SARNP: variants seen among roughly 807,000 people sequenced by gnomAD.
SARNP encodes the protein SAP domain containing ribonucleoprotein.
Under a neutral mutation model 38.1 loss-of-function variants are expected in SARNP, and 5 were observed. That is an observed-to-expected ratio of 0.13 (90% CI 0.07 to 0.28). SARNP has a LOEUF of 0.28. SARNP is among the 10% of genes least tolerant of loss of function. The pLI is 1.00. For synonymous variants in SARNP, 84 were observed against 80.6 expected (o/e 1.04, Z -0.23); for missense variants, 180 against 243.9 (o/e 0.74, Z 1.75).
intron 1 of SARNP, among the ~76,000 whole-genome samples, chr12:55,808,543 C>T (rs1258846954): frequency 1.3e-5 from 2 of 152,084 alleles, no homozygotes; most frequent in Non-Finnish European, 2.9e-5. Flanking sequence ...GTGATCCACC[C>T]GCCTCGGCCT....
intron 9 of SARNP, among the ~76,000 whole-genome samples, chr12:55,761,177 A>G (rs1878664176): frequency 6.7e-6 from 1 of 149,548 alleles, no homozygotes; most frequent in Non-Finnish European, 1.5e-5. Context: ...CTCTGTCTCA[A>G]AAAAAAAAAT....
Position 55,800,501 on chromosome 12 carries a change from TA to T in SARNP, c.251+60del, listed in dbSNP as rs2136200864. Reference sequence around the variant, plus strand: ...GTAAGAGGTAAACAAAGTTAAACATTAAATACATTAAGAAAAGAGCTGCCTG... The same window carrying T: ...GTAAGAGGTAAACAAAGTTAAACATTAATACATTAAGAAAAGAGCTGCCTG... On this transcript the variant is annotated intron_variant, in intron 4 of 10. Coordinates refer to ENST00000336133, the MANE Select transcript of SARNP (RefSeq NM_033082.4). The T allele has an allele frequency of 2.6e-6, 3 of 1,143,092 alleles. No homozygotes were observed. In the South Asian group the frequency reaches 4.1e-5, roughly 16 times the overall value. The allele number at this position is 1,143,092 out of a possible 1,614,324, so 70.8% of individuals were successfully genotyped here. A position where few individuals can be genotyped will look rare whatever the true frequency, so the allele number is the denominator to read the frequency against.
At position 55,757,454 on chromosome 12, in the gene SARNP, C is replaced by A; in HGVS notation, c.*58G>T. 6.7e-7 allele frequency: 1 copy of A among 1,498,350 alleles called. No homozygotes were observed. 92.8% of individuals were successfully genotyped at this position (1,498,350 alleles called of 1,614,324 possible). A position where few individuals can be genotyped will look rare whatever the true frequency, so the allele number is the denominator to read the frequency against. On this transcript the variant is annotated 3_prime_UTR_variant, in exon 11 of 11. Coordinates refer to ENST00000336133, the MANE Select transcript of SARNP (RefSeq NM_033082.4). ...CTGTGCATTTAGGCATATATGTGACCAAGAAGAAGGAGAGAAATGGAAAAC... is the reference window on the plus strand; with the variant it reads ...CTGTGCATTTAGGCATATATGTGACAAAGAAGAAGGAGAGAAATGGAAAAC...
intron 9 of SARNP, among the ~76,000 whole-genome samples, chr12:55,788,031 G>A (rs1215026724): frequency 1.3e-5 from 2 of 152,178 alleles, no homozygotes; most frequent in Non-Finnish European, 2.9e-5. Context: ...TTACAGGCGT[G>A]AGCCACCACG....
chr12:55,764,303 C>G (rs769793600), intron 9 of SARNP, among the ~76,000 whole-genome samples: 92 of 152,072 alleles, frequency 6.0e-4, no homozygotes, highest in Non-Finnish European at 9.9e-4. Flanking sequence ...CAGGAAGGAT[C>G]TTCTAAAATC....
intron 9 of SARNP, among the ~76,000 whole-genome samples, chr12:55,773,364 C>G (rs1418341581): frequency 6.6e-6 from 1 of 152,192 alleles, no homozygotes; most frequent in Non-Finnish European, 1.5e-5. Flanking sequence ...CTCCAATTAT[C>G]TCCTATAAAT....
intron 5 of SARNP, among the ~76,000 whole-genome samples, chr12:55,795,502 C>G (rs1402346768): frequency 6.6e-6 from 1 of 152,138 alleles, no homozygotes; most frequent in East Asian, 1.9e-4. Flanking sequence ...GAAAAGTGAT[C>G]AAAGGAATAG....
At chr12:55,806,568 T>G (rs1167233479) in intron 1 of SARNP, among the ~76,000 whole-genome samples, 1 of 146,706 alleles carries the variant, frequency 6.8e-6, no homozygotes, top group Non-Finnish European at 1.5e-5. Context: ...AACCATAAAT[T>G]AAAGGAAAAA....
chr12:55,807,546 T>TAAC (rs1358213136), intron 1 of SARNP, among the ~76,000 whole-genome samples: 1 of 150,610 alleles, frequency 6.6e-6, no homozygotes, highest in Non-Finnish European at 1.5e-5. Flanking sequence ...CTCACTCCTG[T>TAAC]AATCCCAGCA....
At chr12:55,816,286 A>AT (rs1295398314) in intron 1 of SARNP, among the ~76,000 whole-genome samples, 1 of 152,200 alleles carries the variant, frequency 6.6e-6, no homozygotes, top group African/African-American at 2.4e-5. Flanking sequence ...TCTGTGTTAT[A>AT]TTTTATAACA....
At position 55,794,674 on chromosome 12, in the gene SARNP, TC is replaced by T. The variant is rs1179993095; in HGVS notation, c.377+132del. On this transcript the variant is annotated intron_variant, in intron 6 of 10. Transcript: ENST00000336133. ...ATCAGTAGACATGTTCTGAATAGGG[TC>T]AAAAAAGTGTTCATATCCTTCAGCA... 129 of 661,092 alleles carry T rather than the reference TC, an allele frequency of 2.0e-4. No homozygotes were observed. The East Asian group carries it at 3.4e-3, about 18-fold the overall frequency. The allele number at this position is 661,092 out of a possible 1,614,324, so 41.0% of individuals were successfully genotyped here. A position where few individuals can be genotyped will look rare whatever the true frequency, so the allele number is the denominator to read the frequency against.
At position 55,789,062 on chromosome 12, in the gene SARNP, G is replaced by C. The variant is rs3741504; in HGVS notation, c.501+13C>G. On this transcript the variant is annotated intron_variant, in intron 9 of 10. Transcript: ENST00000336133. ...ATGTCACAAAAACATTACTTCCATCGAGCCTACATTACCTTTCTGGAGATT... is the reference window on the plus strand; with the variant it reads ...ATGTCACAAAAACATTACTTCCATCCAGCCTACATTACCTTTCTGGAGATT... 0.17 allele frequency: 265,378 copies of C among 1,566,140 alleles called. 24,330 individuals are homozygous for C. The highest frequency in any genetic ancestry group is 0.19 in the Non-Finnish European group (218,543 of 1,141,364).
intron 9 of SARNP, among the ~76,000 whole-genome samples, chr12:55,767,124 A>G (rs1333917315): frequency 6.6e-6 from 1 of 152,250 alleles, no homozygotes; most frequent in Admixed American, 6.5e-5. Flanking sequence ...CACAGGAACT[A>G]TAAAAGGTAT....
Position 55,794,389 on chromosome 12 carries a change from TGAA to T in SARNP, c.378-5_378-3del. ...GTTGGAACTGAAGAAATCCCAAACC[TGAA>T]GAAGGAAAAACAAACTAAATTTTAG... is the stretch of plus-strand genomic sequence containing the variant. On this transcript the variant is annotated splice_polypyrimidine_tract_variant and splice_region_variant and intron_variant, in intron 6 of 10. Coordinates refer to ENST00000336133, the MANE Select transcript of SARNP (RefSeq NM_033082.4). 1 of 1,605,756 alleles carries T rather than the reference TGAA, an allele frequency of 6.2e-7. No individual in the cohort carries two copies. Among genetic ancestry groups the T allele is most frequent in the South Asian group, 1.1e-5 (1 of 88,720 alleles).
Position 55,780,489 on chromosome 12 carries a change from G to GAGAAA in SARNP, c.501+8581_501+8585dup, listed in dbSNP as rs534184430. On this transcript the variant is annotated intron_variant, in intron 9 of 10. Coordinates refer to ENST00000336133, the MANE Select transcript of SARNP (RefSeq NM_033082.4). ...AGAAAGAAAAGAGAAGAGAAGAGAAGAGAAAAGAAAAGAAAAGAAAAGAAA... is the reference window on the plus strand; with the variant it reads ...AGAAAGAAAAGAGAAGAGAAGAGAAGAGAAAAGAAAAGAAAAGAAAAGAAAAGAAA... 1.5e-3 allele frequency among the ~76,000 whole-genome samples: 232 copies of GAGAAA among 151,148 alleles called. 1 individual carries two copies. The highest frequency in any genetic ancestry group is 4.9e-3 in the Admixed American group (74 of 15,134).
At chr12:55,763,252 T>C (rs1224659960) in intron 9 of SARNP, among the ~76,000 whole-genome samples, 1 of 152,058 alleles carries the variant, frequency 6.6e-6, no homozygotes, top group South Asian at 2.1e-4. Context: ...TCTGAGTGCT[T>C]AGTATATGCC....
At chr12:55,775,900 C>T (rs1477064086) in intron 9 of SARNP, among the ~76,000 whole-genome samples, 1 of 152,174 alleles carries the variant, frequency 6.6e-6, no homozygotes, top group Non-Finnish European at 1.5e-5. Flanking sequence ...CAAGTATTAA[C>T]ATACATTCTA....
At chr12:55,761,424 C>T (rs774833000) in intron 9 of SARNP, 2 of 152,144 alleles carry the variant, frequency 1.3e-5, no homozygotes, top group Non-Finnish European at 2.9e-5. Context: ...TTGCTTGAAA[C>T]ACCCAGCAAA....
intron 9 of SARNP, among the ~76,000 whole-genome samples, chr12:55,766,675 T>C (rs918679097): frequency 1.7e-5 from 2 of 120,848 alleles, no homozygotes; most frequent in East Asian, 4.9e-4. Flanking sequence ...CAGGCTGGAG[T>C]GTAGTGGCTC....
Sources: gnomAD v4.1 joint callset for allele counts (sites outside exome capture counted in the v4.1 genomes callset) on GRCh38, gnomAD v4.1.1 for gene constraint, MANE v1.5 for transcripts, NCBI Gene and HGNC (gene_info 2026-07-23, HGNC 2026-07-21) for gene names.